Variants in JAM3 observed in about 807,000 individuals in gnomAD.
JAM3 encodes junctional adhesion molecule C.
In JAM3, 31 loss-of-function variants were observed where a neutral mutation model predicts 39.4. That is an observed-to-expected ratio of 0.79 (90% CI 0.59 to 1.06). The LOEUF is 1.06. Among genes scored for constraint, JAM3 ranks in the 50% least tolerant of loss-of-function variants. The pLI is 0.00. For synonymous variants in JAM3, 182 were observed against 148.7 expected (o/e 1.22, Z -1.63); for missense variants, 455 against 391.4 (o/e 1.16, Z -1.37).
intron 1 of JAM3, among the ~76,000 whole-genome samples, chr11:134,103,281 GAAATA>G (rs1209759166): frequency 3.9e-5 from 6 of 152,220 alleles, no homozygotes; most frequent in African/African-American, 1.4e-4. Context: ...AAGTGAAGGA[GAAATA>G]AAATCCTTTA....
chr11:134,112,451 A>G (rs1208633910), intron 1 of JAM3, among the ~76,000 whole-genome samples: 2 of 152,014 alleles, frequency 1.3e-5, no homozygotes, highest in East Asian at 3.9e-4. Context: ...GTTTCAAGTC[A>G]CTCTATCTAA....
chr11:134,098,643 A>G (rs908213932), intron 1 of JAM3, among the ~76,000 whole-genome samples: 1 of 152,196 alleles, frequency 6.6e-6, no homozygotes, highest in Non-Finnish European at 1.5e-5. Flanking sequence ...TAACAAGGAC[A>G]TTGTCAAAGT....
chr11:134,128,374 G>A (rs1262433241), intron 1 of JAM3, among the ~76,000 whole-genome samples: 1 of 152,190 alleles, frequency 6.6e-6, no homozygotes, highest in African/African-American at 2.4e-5. Flanking sequence ...TTTGTCAACT[G>A]TGAATTCAAG....
At position 134,139,852 on chromosome 11, in the gene JAM3, C is replaced by A; in HGVS notation, c.78C>A (p.Gly26=). 1 of 1,613,264 alleles carries A rather than the reference C, an allele frequency of 6.2e-7. No homozygotes were observed. The highest frequency in any genetic ancestry group is 8.5e-7 in the Non-Finnish European group (1 of 1,179,196). The change falls in exon 2 of 9, where the codon GGC becomes GGA. Residue 26 remains glycine, a splice_region_variant and synonymous_variant. Transcript: ENST00000299106. ...PDFFLLLLFR[G]CLIGAVNLKS... ...ATTTTACTTTTCTTTCTCCTTCAGG[C>A]TGCCTGATAGGGGCTGTAAATCTCA...
chr11:134,105,949 A>G (rs1361329959), intron 1 of JAM3, among the ~76,000 whole-genome samples: 13 of 152,246 alleles, frequency 8.5e-5, no homozygotes, highest in Non-Finnish European at 1.5e-4. Flanking sequence ...ATTCAATGCC[A>G]TCCCCATCAA....
chr11:134,076,159 T>TTC (rs1941566404), intron 1 of JAM3, among the ~76,000 whole-genome samples: 1 of 146,316 alleles, frequency 6.8e-6, no homozygotes. Context: ...TTCTTTTTTT[T>TTC]TTTTTTTTTT....
Position 134,138,374 on chromosome 11 carries a change from C to T in JAM3, c.77-1477C>T, listed in dbSNP as rs184829656. Among the ~76,000 whole-genome samples the T allele has an allele frequency of 5.3e-5, 6 of 113,956 alleles. No homozygotes were observed. In the East Asian group the frequency reaches 1.6e-3, roughly 31 times the overall value. The allele number at this position is 113,956 out of a possible 152,430, so 74.8% of individuals were successfully genotyped here. Reference sequence around the variant, plus strand: ...GAGAAATGTTTATGGCCACTAGTCCCTTAGAGCCAGTGGTGGTGTCTCGTC... The same window carrying T: ...GAGAAATGTTTATGGCCACTAGTCCTTTAGAGCCAGTGGTGGTGTCTCGTC... On this transcript the variant is annotated intron_variant, in intron 1 of 8. Coordinates refer to ENST00000299106, the MANE Select transcript of JAM3 (RefSeq NM_032801.5).
chr11:134,069,116 C>G lies in JAM3; in HGVS notation c.33C>G (p.Leu11=), dbSNP rs771565305. Residue 11 remains leucine, a synonymous_variant, in exon 1 of 9, where the codon CTC becomes CTG. Coordinates refer to ENST00000299106, the MANE Select transcript of JAM3 (RefSeq NM_032801.5). The stretch of plus-strand genomic sequence containing the variant: ...TGAGGCGGCCACCGCGACTCCGGCT[C>G]TGCGCTCGGCTGCCTGACTTCTTCC... MALRRPPRLR[L]CARLPDFFLL... The G allele has an allele frequency of 6.2e-7, 1 of 1,612,538 alleles. No homozygotes were observed. The highest frequency in any genetic ancestry group is 8.5e-7 in the Non-Finnish European group (1 of 1,179,344).
intron 3 of JAM3, among the ~76,000 whole-genome samples, chr11:134,143,842 G>A (rs1359355238): frequency 6.6e-6 from 1 of 152,218 alleles, no homozygotes; most frequent in African/African-American, 2.4e-5. Context: ...TGGAGTGAGA[G>A]AGAGGTTCAA....
At chr11:134,107,552 G>A (rs900939407) in intron 1 of JAM3, among the ~76,000 whole-genome samples, 4 of 152,078 alleles carry the variant, frequency 2.6e-5, no homozygotes, top group African/African-American at 9.7e-5. Context: ...TCAGAATTAA[G>A]ACTAGGCCAC....
At chr11:134,076,395 T>C (rs1250679325) in intron 1 of JAM3, among the ~76,000 whole-genome samples, 1 of 152,098 alleles carries the variant, frequency 6.6e-6, no homozygotes, top group Non-Finnish European at 1.5e-5. Context: ...CCTCAGGTGA[T>C]CCGCCTGCCT....
At chr11:134,115,552 A>C (rs1942411630) in intron 1 of JAM3, among the ~76,000 whole-genome samples, 2 of 152,132 alleles carry the variant, frequency 1.3e-5, no homozygotes, top group African/African-American at 2.4e-5. Flanking sequence ...TTTTGCAGAA[A>C]GTCTTCAATT....
intron 1 of JAM3, among the ~76,000 whole-genome samples, chr11:134,070,595 G>A (rs1398869361): frequency 2.0e-5 from 3 of 152,176 alleles, no homozygotes; most frequent in Non-Finnish European, 4.4e-5. Flanking sequence ...GGCTAGCCAG[G>A]GGACAAGGGT....
At chr11:134,111,389 A>C (rs1187221843) in intron 1 of JAM3, among the ~76,000 whole-genome samples, 1 of 151,662 alleles carries the variant, frequency 6.6e-6, no homozygotes, top group Non-Finnish European at 1.5e-5. Flanking sequence ...TGTTCCGCCC[A>C]CCTCGGCCTC....
intron 1 of JAM3, among the ~76,000 whole-genome samples, chr11:134,125,539 A>C (rs1022532199): frequency 6.6e-6 from 1 of 151,976 alleles, no homozygotes; most frequent in Non-Finnish European, 1.5e-5. Context: ...AAGAGGCAAA[A>C]CTCCCAGCTT....
intron 1 of JAM3, among the ~76,000 whole-genome samples, chr11:134,076,234 A>C (rs1451126237): frequency 7.0e-6 from 1 of 141,884 alleles, no homozygotes; most frequent in Non-Finnish European, 1.5e-5. Context: ...GGCTCACCGC[A>C]ACTGCCACCT....
chr11:134,148,219 T>C, intron 6 of JAM3: 1 of 375,212 alleles, frequency 2.7e-6, no homozygotes, highest in Non-Finnish European at 5.0e-6. Context: ...CTTGTCCTCA[T>C]AACCATTTCC....
rs143654841 is a variant in JAM3 at position 134,131,409 on chromosome 11, A to AT, written c.77-8435dup. 7.1e-3 allele frequency among the ~76,000 whole-genome samples: 1,075 copies of AT among 151,918 alleles called. 14 individuals carry two copies. Among genetic ancestry groups the AT allele is most frequent in the African/African-American group, 0.024 (1,009 of 41,384 alleles). ...TGGACTACTACAGCCTTAAACAGTA[A>AT]TTTTTTTAAAAAACACAGCAAATCT... On this transcript the variant is annotated intron_variant, in intron 1 of 8. Coordinates refer to ENST00000299106, the MANE Select transcript of JAM3 (RefSeq NM_032801.5).
intron 1 of JAM3, among the ~76,000 whole-genome samples, chr11:134,079,788 C>T (rs2120588146): frequency 6.6e-6 from 1 of 152,190 alleles, no homozygotes; most frequent in Non-Finnish European, 1.5e-5. Context: ...TAATTTGTAA[C>T]TGATTAATTG....
Sources: allele counts gnomAD v4.1 joint callset (sites outside exome capture counted in the v4.1 genomes callset), GRCh38; gene constraint gnomAD v4.1.1; transcripts MANE v1.5; gene names NCBI Gene and HGNC (gene_info 2026-07-23, HGNC 2026-07-21).